Variants in CHRM5 observed in about 807,000 individuals in gnomAD.
CHRM5 encodes cholinergic receptor muscarinic 5, also known as muscarinic acetylcholine receptor M5.
Under a neutral mutation model 39.0 loss-of-function variants are expected in CHRM5, and 18 were observed. The ratio of observed to expected loss-of-function variants is 0.46; its 90% CI spans 0.32 to 0.68. The LOEUF (loss-of-function observed/expected upper bound fraction) is 0.68, where lower values mean the gene tolerates loss of function less well. Among genes scored for constraint, CHRM5 ranks in the 30% least tolerant of loss-of-function variants. CHRM5 has a pLI of 0.04. For missense variants in CHRM5, 515 were observed against 651.1 expected (o/e 0.79, Z 2.28); for synonymous variants, 241 against 246.3 (o/e 0.98, Z 0.20).
At chr15:34,060,923 G>A (rs1348561629) in intron 2 of CHRM5, among the ~76,000 whole-genome samples, 2 of 151,996 alleles carry the variant, frequency 1.3e-5, no homozygotes, top group African/African-American at 4.8e-5. Flanking sequence ...GGCTGAGGCA[G>A]GAGAATGGCG....
intron 1 of CHRM5, among the ~76,000 whole-genome samples, chr15:34,018,623 G>C (rs1487987652): frequency 9.2e-5 from 14 of 152,218 alleles, no homozygotes; most frequent in Admixed American, 9.2e-4. Flanking sequence ...GCAGCAGCAA[G>C]ACTTATTGTG....
intron 1 of CHRM5, among the ~76,000 whole-genome samples, chr15:33,984,988 C>T (rs921195971): frequency 7.2e-5 from 11 of 152,088 alleles, no homozygotes; most frequent in African/African-American, 2.7e-4. Context: ...ATCAGAAAAG[C>T]CTCCTTGACC....
intron 1 of CHRM5, among the ~76,000 whole-genome samples, chr15:34,034,264 G>A (rs1002259784): frequency 3.3e-5 from 5 of 152,058 alleles, no homozygotes; most frequent in African/African-American, 1.2e-4. Flanking sequence ...GCAAGACAGT[G>A]AGACCATGTC....
rs370326683 is a variant in CHRM5, at chr15:34,052,420, C to T, written c.-76+5549C>T. ...AAATGGACAAAAGCTGGAAGCATTC[C>T]CCATGAAAACCAGCACAAGACAAGG... On this transcript the variant is annotated intron_variant, in intron 2 of 2. Transcript: ENST00000383263. Among the ~76,000 whole-genome samples, 7 of 152,248 alleles carry T rather than the reference C, an allele frequency of 4.6e-5. No homozygotes were observed. In the East Asian group the frequency reaches 1.2e-3, roughly 25 times the overall value.
At chr15:34,058,182 T>C (rs1277829965) in intron 2 of CHRM5, among the ~76,000 whole-genome samples, 1 of 152,172 alleles carries the variant, frequency 6.6e-6, no homozygotes, top group Non-Finnish European at 1.5e-5. Context: ...GGTAATCTTC[T>C]TTACTTAAAT....
At chr15:33,984,316 C>A (rs1767816896) in intron 1 of CHRM5, among the ~76,000 whole-genome samples, 1 of 151,852 alleles carries the variant, frequency 6.6e-6, no homozygotes, top group South Asian at 2.1e-4. Flanking sequence ...AGTAATTGGA[C>A]CTTAATGTCA....
At chr15:34,031,209 T>C (rs1898792634) in intron 1 of CHRM5, among the ~76,000 whole-genome samples, 1 of 137,002 alleles carries the variant, frequency 7.3e-6, no homozygotes, top group East Asian at 2.4e-4. Flanking sequence ...AGTTTTGCTC[T>C]TGTTGCCCAG....
At chr15:34,028,843 C>T (rs1567476844) in intron 1 of CHRM5, among the ~76,000 whole-genome samples, 1 of 151,640 alleles carries the variant, frequency 6.6e-6, no homozygotes, top group Non-Finnish European at 1.5e-5. Flanking sequence ...CCACCATCAT[C>T]GGCCACCACA....
intron 2 of CHRM5, among the ~76,000 whole-genome samples, chr15:34,062,145 G>C (rs1900354613): frequency 6.6e-6 from 1 of 152,102 alleles, no homozygotes; most frequent in African/African-American, 2.4e-5. Context: ...AGGGCACTCA[G>C]CCATAGGTAA....
In CHRM5 at chr15:33,990,061, G is replaced by A. The variant is rs370203759; in HGVS notation, c.-408+20911G>A. On this transcript the variant is annotated intron_variant, in intron 1 of 2. Transcript: ENST00000383263. ...CTACTAAAAATACACAAAATTAGCC[G>A]GGCGTGGTGGTGGGCGCCTATAATC... 1.8e-4 allele frequency among the ~76,000 whole-genome samples: 27 copies of A among 151,724 alleles called. 1 individual carries two copies. Among genetic ancestry groups the A allele is most frequent in the Admixed American group, 7.9e-4 (12 of 15,228 alleles).
intron 1 of CHRM5, among the ~76,000 whole-genome samples, chr15:33,986,163 G>C (rs1275019341): frequency 6.6e-6 from 1 of 151,744 alleles, no homozygotes; most frequent in Non-Finnish European, 1.5e-5. Flanking sequence ...CTGGAGTGCA[G>C]TGGCGCCATC....
chr15:34,036,130 A>C (rs1899113301), intron 1 of CHRM5, among the ~76,000 whole-genome samples: 2 of 151,974 alleles, frequency 1.3e-5, no homozygotes, highest in South Asian at 4.2e-4. Context: ...TAATGATTGT[A>C]TCTAGTACAA....
At chr15:33,980,418 A>G (rs1896083673) in intron 1 of CHRM5, among the ~76,000 whole-genome samples, 1 of 152,224 alleles carries the variant, frequency 6.6e-6, no homozygotes, top group African/African-American at 2.4e-5. Flanking sequence ...AGGCTGTTAT[A>G]GTACCGTCCC....
chr15:33,974,018 A>G (rs1000113118), intron 1 of CHRM5, among the ~76,000 whole-genome samples: 7 of 152,206 alleles, frequency 4.6e-5, no homozygotes, highest in Admixed American at 4.6e-4. Context: ...TAATAGCTAT[A>G]AGGAGATAAT....
chr15:34,018,330 C>G (rs965438479), intron 1 of CHRM5: 5 of 152,210 alleles, frequency 3.3e-5, no homozygotes, highest in African/African-American at 1.2e-4. Flanking sequence ...AGCCGCAGAC[C>G]GTCGCGGTGT....
intron 1 of CHRM5, among the ~76,000 whole-genome samples, chr15:33,980,432 C>A (rs547087776): frequency 1.1e-3 from 167 of 152,328 alleles, no homozygotes; most frequent in African/African-American, 3.9e-3. Context: ...CCGTCCCACA[C>A]ATGAACTCTC....
intron 2 of CHRM5, among the ~76,000 whole-genome samples, chr15:34,053,429 T>C (rs1290076709): frequency 1.3e-5 from 2 of 149,926 alleles, no homozygotes; most frequent in Non-Finnish European, 3.0e-5. Flanking sequence ...TTCCAAACTG[T>C]ACTACAAGGC....
At chr15:34,036,639 C>T (rs1444830108) in intron 1 of CHRM5, among the ~76,000 whole-genome samples, 3 of 152,118 alleles carry the variant, frequency 2.0e-5, no homozygotes, top group Non-Finnish European at 4.4e-5. Flanking sequence ...CCAATCCAAA[C>T]CAAAATTAAG....
chr15:34,065,645 T>C lies in CHRM5; in HGVS notation c.*1329T>C, dbSNP rs1457936592. On this transcript the variant is annotated 3_prime_UTR_variant, in exon 3 of 3. Transcript: ENST00000383263. ...ACAAAGTGTAGGTCATAGTAATACATAAAAATAAAACAGTTGACATGCATG... is the reference window on the plus strand; with the variant it reads ...ACAAAGTGTAGGTCATAGTAATACACAAAAATAAAACAGTTGACATGCATG... 6.6e-6 allele frequency: 1 copy of C among 152,086 alleles called. No individual in the cohort carries two copies. Among genetic ancestry groups the C allele is most frequent in the East Asian group, 1.9e-4 (1 of 5,192 alleles). 9.4% of individuals were successfully genotyped at this position (152,086 alleles called of 1,614,324 possible).
Sources: gnomAD v4.1 joint callset for allele counts (sites outside exome capture counted in the v4.1 genomes callset) on GRCh38, gnomAD v4.1.1 for gene constraint, MANE v1.5 for transcripts, NCBI Gene and HGNC (gene_info 2026-07-23, HGNC 2026-07-21) for gene names.